Variants in MSH6 observed in about 807,000 individuals in gnomAD.
MSH6 encodes DNA mismatch repair protein Msh6.
Under a neutral mutation model 119.1 loss-of-function variants are expected in MSH6, and 85 were observed. The ratio of observed to expected loss-of-function variants is 0.71; its 90% CI spans 0.60 to 0.85. The LOEUF is 0.85. Ranked by LOEUF, MSH6 falls within the 40% of genes least tolerant of loss-of-function variation. The pLI is 0.00. For synonymous variants in MSH6, 830 were observed against 586.9 expected (o/e 1.41, Z -5.99); for missense variants, 2,163 against 1,655.3 (o/e 1.31, Z -5.32).
At chr2:47,802,244 A>G (rs1164431599) in intron 4 of MSH6, among the ~76,000 whole-genome samples, 1 of 152,262 alleles carries the variant, frequency 6.6e-6, no homozygotes, top group Non-Finnish European at 1.5e-5. Context: ...TTTGGCAACC[A>G]TCTCAACTTC....
chr2:47,806,956 A>ATTTTTCCATTTTCTTTC, downstream of MSH6: 1 of 952,076 alleles, frequency 1.1e-6, no homozygotes, highest in East Asian at 2.5e-5. Context: ...AAAAATGACC[A>ATTTTTCCATTTTCTTTC]TTTTTCCATT....
At chr2:47,786,585 C>T (rs1668364874) in intron 1 of MSH6, among the ~76,000 whole-genome samples, 1 of 152,162 alleles carries the variant, frequency 6.6e-6, no homozygotes, top group South Asian at 2.1e-4. Context: ...CCACCCACCT[C>T]AGCCTCCCAA....
chr2:47,806,118 C>A, intron 7 of MSH6, 86 bp from the exon 8 acceptor site: 1 of 1,344,284 alleles, frequency 7.4e-7, no homozygotes, highest in Non-Finnish European at 1.1e-6. Context: ...ACCGATGTTG[C>A]TTTTCTGTCC....
At position 47,806,218 on chromosome 2, in the gene MSH6, A is replaced by G. The variant is rs1670041286; in HGVS notation, c.3661A>G (p.Thr1221Ala). 6.2e-7 allele frequency: 1 copy of G among 1,613,962 alleles called. No homozygotes were observed. Among genetic ancestry groups the G allele is most frequent in the East Asian group, 2.2e-5 (1 of 44,886 alleles). Reference sequence around the variant, plus strand: ...TACTTTAACAGGAAGAGGTACTGCAACATTTGATGGGACGGCAATAGCAAA... The same window carrying G: ...TACTTTAACAGGAAGAGGTACTGCAGCATTTGATGGGACGGCAATAGCAAA... ...LVDELGRGTA[T>A]FDGTAIANAV... Residue 1221 changes from threonine to alanine, a missense_variant, in exon 8 of 10, where the codon ACA (threonine) becomes GCA (alanine). Coordinates refer to ENST00000234420, the MANE Select transcript of MSH6 (RefSeq NM_000179.3).
Position 47,788,922 on chromosome 2 carries a change from G to GTTTTTTTTTT in MSH6, c.261-1989_261-1980dup, listed in dbSNP as rs1558650240. On this transcript the variant is annotated intron_variant, in intron 1 of 9. Coordinates refer to ENST00000234420, the MANE Select transcript of MSH6 (RefSeq NM_000179.3). ...TTTCTTCTTCCTTTTTTTTTTTTTT[G>GTTTTTTTTTT]TTTTTTTTTTTTTTTTTTTTTTTTT... Among the ~76,000 whole-genome samples, 86 of 40,936 alleles carry GTTTTTTTTTT rather than the reference G, an allele frequency of 2.1e-3. 5 individuals are homozygous for GTTTTTTTTTT. Among genetic ancestry groups the GTTTTTTTTTT allele is most frequent in the Admixed American group, 2.7e-3 (7 of 2,552 alleles). 26.9% of individuals were successfully genotyped at this position (40,936 alleles called of 152,430 possible). A position where few individuals can be genotyped will look rare whatever the true frequency, so the allele number is the denominator to read the frequency against.
chr2:47,797,522 G>T (rs886569948), intron 3 of MSH6, among the ~76,000 whole-genome samples: 2 of 152,234 alleles, frequency 1.3e-5, no homozygotes, highest in African/African-American at 4.8e-5. Flanking sequence ...ACTAGAACCA[G>T]TATAAGTTGC....
chr2:47,792,133 A>T (rs934843632), intron 2 of MSH6, among the ~76,000 whole-genome samples: 3 of 152,068 alleles, frequency 2.0e-5, no homozygotes, highest in Non-Finnish European at 4.4e-5. Flanking sequence ...GGCGTGAGCC[A>T]CTGTGCCCAG....
At chr2:47,790,809 G>C in intron 1 of MSH6, 118 bp from the exon 2 acceptor site, 1 of 902,912 alleles carries the variant, frequency 1.1e-6, no homozygotes, top group Non-Finnish European at 1.8e-6. Flanking sequence ...AATTATTCTA[G>C]AATTTCTGTG....
At chr2:47,807,024 T>TGTG, downstream of MSH6, 1 of 648,668 alleles carries the variant, frequency 1.5e-6, no homozygotes, top group South Asian at 1.8e-5. Flanking sequence ...TAATGGTTAT[T>TGTG]GAATACTCCA....
At chr2:47,802,440 C>T (rs559987136) in intron 4 of MSH6, among the ~76,000 whole-genome samples, 3 of 152,184 alleles carry the variant, frequency 2.0e-5, no homozygotes, top group Admixed American at 2.0e-4. Flanking sequence ...AAGTGATTCT[C>T]CTTCCTCAGC....
In MSH6 at chr2:47,806,656, C is replaced by T. The variant is rs786202305; in HGVS notation, c.4001+5C>T. 1 of 1,599,784 alleles carries T rather than the reference C, an allele frequency of 6.3e-7. No individual in the cohort carries two copies. Among genetic ancestry groups the T allele is most frequent in the Non-Finnish European group, 8.5e-7 (1 of 1,172,368 alleles). ...TCAGTCACTACGATTATTTCGGTAA[C>T]TAACTAACTATAATGGAATTATAAC... is the stretch of plus-strand genomic sequence containing the variant. On this transcript the variant is annotated splice_donor_5th_base_variant and intron_variant, in intron 9 of 9. Transcript: ENST00000234420.
rs1334827373 is a variant in MSH6 at position 47,796,051 on chromosome 2, A to G, written c.615A>G (p.Glu205=). Reference sequence around the variant, plus strand: ...ATGAGCCCTCAGAGCCAGAAGAGGAAGAAGAGATGGAGGTGGGACACGGCA... The same window carrying G: ...ATGAGCCCTCAGAGCCAGAAGAGGAGGAAGAGATGGAGGTGGGACACGGCA... The part of the protein sequence containing the change: ...VCDEPSEPEE[E]EEMEVGTTYV... The change falls in exon 3 of 10, where the codon GAA becomes GAG. Residue 205 remains glutamate (E), a synonymous_variant. Coordinates refer to ENST00000234420, the MANE Select transcript of MSH6 (RefSeq NM_000179.3). 6 of 1,614,016 alleles carry G rather than the reference A, an allele frequency of 3.7e-6. No homozygotes were observed. The African/African-American group carries it at 4.0e-5, about 11-fold the overall frequency.
chr2:47,807,997 G>T (rs1219756849), downstream of MSH6: 5 of 875,432 alleles, frequency 5.7e-6, no homozygotes, highest in Non-Finnish European at 8.8e-6. Context: ...AACTGACCTT[G>T]TGTATCCATT....
Position 47,798,893 on chromosome 2 carries a change from G to A in MSH6, c.910G>A (p.Val304Met), listed in dbSNP as rs876661207. The A allele has an allele frequency of 1.2e-6, 2 of 1,614,060 alleles. No homozygotes were observed. Among genetic ancestry groups the A allele is most frequent in the Non-Finnish European group, 1.7e-6 (2 of 1,180,044 alleles). ...VKVARKRKRM[V>M]TGNGSLKRKS... is the part of the protein sequence containing the mutation. Reference sequence around the variant, plus strand: ...AGTTGCTCGAAAGCGGAAGAGAATGGTGACTGGAAATGGCTCTCTTAAAAG... The same window carrying A: ...AGTTGCTCGAAAGCGGAAGAGAATGATGACTGGAAATGGCTCTCTTAAAAG... Residue 304 changes from valine (V) to methionine (M), a missense_variant, in exon 4 of 10, where the codon GTG becomes ATG. Physicochemically the swap from Val to Met is conservative, Grantham distance 21. Coordinates refer to ENST00000234420, the MANE Select transcript of MSH6 (RefSeq NM_000179.3).
At chr2:47,788,946 T>TTTTTTTTTTTTTTG (rs1553409740) in intron 1 of MSH6, among the ~76,000 whole-genome samples, 2 of 115,752 alleles carry the variant, frequency 1.7e-5, no homozygotes, top group Non-Finnish European at 3.5e-5. Context: ...TTTTTTTTTT[T>TTTTTTTTTTTTTTG]TGTGAGACGG....
chr2:47,806,699 C>CCT, intron 9 of MSH6, 48 bp downstream of exon 9: 1 of 1,571,488 alleles, frequency 6.4e-7, no homozygotes, highest in African/African-American at 1.4e-5. Context: ...CCTTAAGTTT[C>CCT]AAAGAAACAG....
downstream of MSH6, chr2:47,809,361 T>C: frequency 2.5e-6 from 2 of 798,872 alleles, no homozygotes. Context: ...GAGCCACTAT[T>C]TTTAAGAGCT....
rs1558386692 is a variant in MSH6 at position 47,803,398 on chromosome 2, CTT to C, written c.3173-19_3173-18del. 6.2e-7 allele frequency: 1 copy of C among 1,614,090 alleles called. No individual in the cohort carries two copies. Among genetic ancestry groups the C allele is most frequent in the East Asian group, 2.2e-5 (1 of 44,882 alleles). The stretch of plus-strand genomic sequence containing the variant: ...AAAACCCCCAAACGATGAAGCCTCA[CTT>C]TTACCCTCTCTTTTAACAGATGTTT... On this transcript the variant is annotated intron_variant, in intron 4 of 9. Transcript: ENST00000234420.
chr2:47,807,015 A>AATGGTTATTGAATACTCCACAAT (rs1670253584), downstream of MSH6: 1 of 667,862 alleles, frequency 1.5e-6, no homozygotes, highest in Non-Finnish European at 2.6e-6. Context: ...CCTTCTACAT[A>AATGGTTATTGAATACTCCACAAT]ATGGTTATTG....
Sources: gnomAD v4.1 joint callset for allele counts (sites outside exome capture counted in the v4.1 genomes callset) on GRCh38, gnomAD v4.1.1 for gene constraint, MANE v1.5 for transcripts, NCBI Gene and HGNC (gene_info 2026-07-23, HGNC 2026-07-21) for gene names.